Variants in LRP1B observed in about 807,000 individuals in gnomAD.
The protein encoded by LRP1B is low-density lipoprotein receptor-related protein 1B.
LRP1B carries 217 observed loss-of-function variants against 556.6 expected under a neutral mutation model. That is an observed-to-expected ratio of 0.39 (90% CI 0.35 to 0.44). The LOEUF (loss-of-function observed/expected upper bound fraction) is 0.44, where lower values mean the gene tolerates loss of function less well. Among genes scored for constraint, LRP1B ranks in the 20% least tolerant of loss-of-function variants. The pLI, the probability that LRP1B is intolerant of heterozygous loss-of-function variation, is 1.00. For missense variants in LRP1B, 5,053 were observed against 5,620.8 expected, an observed-to-expected ratio of 0.90 and a Z score of 3.23; for synonymous variants, 2,047 against 1,865.8, an observed-to-expected ratio of 1.10 and a Z score of -2.50.
chr2:141,480,180 TGTGTGTGTGTG>T, intron 3 of LRP1B, among the ~76,000 whole-genome samples: 1 of 150,808 alleles, frequency 6.6e-6, no homozygotes, highest in Admixed American at 6.6e-5. Context: ...TGTGTGTGTG[TGTGTGTGTGTG>T]TGTTGTCTAA....
chr2:141,292,626 G>A (rs1270516954), intron 3 of LRP1B, among the ~76,000 whole-genome samples: 1 of 152,066 alleles, frequency 6.6e-6, no homozygotes, highest in Non-Finnish European at 1.5e-5. Flanking sequence ...TGGGAAAATG[G>A]CACTTTCCCT....
chr2:140,525,779 T>C (rs2104966495), intron 49 of LRP1B, 65 bp downstream of exon 49: 2 of 1,499,818 alleles, frequency 1.3e-6, no homozygotes, highest in Non-Finnish European at 1.8e-6. Flanking sequence ...AAATTCACTC[T>C]ATACAACCAG....
intron 1 of LRP1B, among the ~76,000 whole-genome samples, chr2:141,925,881 T>TA (rs1286276829): frequency 1.3e-5 from 2 of 152,134 alleles, no homozygotes; most frequent in East Asian, 1.9e-4. Flanking sequence ...AGGATGGCCT[T>TA]AGCAAAGTAC....
chr2:142,100,211 G>A (rs1203119055), intron 1 of LRP1B, among the ~76,000 whole-genome samples: 1 of 151,950 alleles, frequency 6.6e-6, no homozygotes, highest in Non-Finnish European at 1.5e-5. Flanking sequence ...TGTAGGGTTT[G>A]TTGTTTATAC....
At chr2:140,672,482 T>TAAAAAAAAAAAAAAAAAAAAAAAAAA (rs55884730) in intron 41 of LRP1B, among the ~76,000 whole-genome samples, 5 of 81,580 alleles carry the variant, frequency 6.1e-5, no homozygotes, top group African/African-American at 1.6e-4. Flanking sequence ...AGACTCCATC[T>TAAAAAAAAAAAAAAAAAAAAAAAAAA]AAAAAAAAAA....
chr2:141,941,730 T>A (rs949685713), intron 1 of LRP1B, among the ~76,000 whole-genome samples: 8 of 152,148 alleles, frequency 5.3e-5, no homozygotes, highest in African/African-American at 1.9e-4. Flanking sequence ...TTTTAGATGA[T>A]TCTGGTTTTT....
chr2:141,844,837 A>G (rs748766202), intron 1 of LRP1B, among the ~76,000 whole-genome samples: 5 of 151,978 alleles, frequency 3.3e-5, no homozygotes, highest in Admixed American at 1.3e-4. Flanking sequence ...GACAATTTCA[A>G]TCATATTCCC....
chr2:140,501,055 C>T (rs1689164656), intron 55 of LRP1B, among the ~76,000 whole-genome samples: 1 of 151,900 alleles, frequency 6.6e-6, no homozygotes, highest in South Asian at 2.1e-4. Flanking sequence ...TTAGTTTTGT[C>T]CGTCATTCCA....
chr2:141,255,732 G>A (rs1282965687), intron 3 of LRP1B, among the ~76,000 whole-genome samples: 1 of 151,720 alleles, frequency 6.6e-6, no homozygotes. Flanking sequence ...AGATTTTCCA[G>A]ATTTATACTC....
intron 1 of LRP1B, among the ~76,000 whole-genome samples, chr2:141,960,653 C>T (rs1040030241): frequency 6.6e-6 from 1 of 151,844 alleles, no homozygotes; most frequent in Non-Finnish European, 1.5e-5. Context: ...CCCAATCTCT[C>T]TTCCTATTCA....
At chr2:142,019,540 C>T (rs1226705659) in intron 1 of LRP1B, among the ~76,000 whole-genome samples, 3 of 152,052 alleles carry the variant, frequency 2.0e-5, no homozygotes, top group Non-Finnish European at 2.9e-5. Context: ...AACTAGAGTC[C>T]ACCACACTCT....
intron 53 of LRP1B, among the ~76,000 whole-genome samples, chr2:140,505,148 A>C (rs969621599): frequency 2.6e-5 from 4 of 152,226 alleles, no homozygotes; most frequent in Non-Finnish European, 1.5e-5. Context: ...ACTGTTCCTG[A>C]AACTGCTCTA....
intron 3 of LRP1B, among the ~76,000 whole-genome samples, chr2:141,333,011 T>A (rs867646652): frequency 6.6e-6 from 1 of 152,102 alleles, no homozygotes; most frequent in Non-Finnish European, 1.5e-5. Context: ...AATCTTCACT[T>A]TTTTAAAATC....
intron 1 of LRP1B, among the ~76,000 whole-genome samples, chr2:141,924,385 C>T (rs1700279442): frequency 1.3e-5 from 2 of 152,086 alleles, no homozygotes; most frequent in African/African-American, 2.4e-5. Context: ...CCACCTCCAC[C>T]ATTCCATAAA....
intron 1 of LRP1B, among the ~76,000 whole-genome samples, chr2:141,992,635 C>T (rs1346579545): frequency 1.3e-5 from 2 of 152,102 alleles, no homozygotes; most frequent in East Asian, 3.9e-4. Flanking sequence ...TGGTCATAGA[C>T]CTTTCTCATT....
At chr2:141,505,708 T>C (rs1453248075) in intron 2 of LRP1B, among the ~76,000 whole-genome samples, 1 of 152,012 alleles carries the variant, frequency 6.6e-6, no homozygotes, top group Non-Finnish European at 1.5e-5. Context: ...ATGAAGCAAA[T>C]AATATAGTTT....
intron 3 of LRP1B, among the ~76,000 whole-genome samples, chr2:141,362,996 C>T (rs1444061397): frequency 6.6e-6 from 1 of 152,126 alleles, no homozygotes; most frequent in Non-Finnish European, 1.5e-5. Flanking sequence ...ATTTCAGTCT[C>T]CAGCTTAAAT....
intron 84 of LRP1B, among the ~76,000 whole-genome samples, chr2:140,279,104 T>C (rs1380267130): frequency 6.6e-6 from 1 of 151,972 alleles, no homozygotes; most frequent in Non-Finnish European, 1.5e-5. Context: ...TCTCTTTCTC[T>C]CTTTCTTTCT....
chr2:140,251,325 C>G (rs1479246743), intron 86 of LRP1B, among the ~76,000 whole-genome samples: 1 of 151,560 alleles, frequency 6.6e-6, no homozygotes, highest in Non-Finnish European at 1.5e-5. Context: ...GTAATTATTA[C>G]AAAGAGAATT....
Sources: gnomAD v4.1 joint callset for allele counts (sites outside exome capture counted in the v4.1 genomes callset) on GRCh38, gnomAD v4.1.1 for gene constraint, MANE v1.5 for transcripts, NCBI Gene and HGNC (gene_info 2026-07-23, HGNC 2026-07-21) for gene names.